Variants in DNAH14 observed in about 807,000 individuals in gnomAD.
DNAH14 encodes the protein dynein axonemal heavy chain 14, also known as axonemal beta dynein heavy chain 14.
In DNAH14, 478 loss-of-function variants were observed where a neutral mutation model predicts 520.9. That is an observed-to-expected ratio of 0.92 (90% confidence interval 0.85 to 0.99). DNAH14 has a LOEUF of 0.99. DNAH14 is among the 50% of genes least tolerant of loss of function. The pLI, the probability that DNAH14 is intolerant of heterozygous loss-of-function variation, is 0.00. For synonymous variants in DNAH14, 1,581 were observed against 1,757.2 expected (o/e 0.90, Z 2.51); for missense variants, 4,831 against 5,234.5 (o/e 0.92, Z 2.38).
intron 54 of DNAH14, among the ~76,000 whole-genome samples, chr1:225,283,556 G>A (rs1280930845): frequency 6.6e-6 from 1 of 152,016 alleles, no homozygotes; most frequent in African/African-American, 2.4e-5. Flanking sequence ...CAGAATTTAA[G>A]GGAGAAATAA....
intron 3 of DNAH14, among the ~76,000 whole-genome samples, chr1:224,958,064 A>G (rs75978600): frequency 4.6e-5 from 7 of 152,148 alleles, no homozygotes; most frequent in Non-Finnish European, 1.0e-4. Context: ...TCAGGAGGAC[A>G]GGAGGGAAAG....
chr1:225,346,566 A>G lies in DNAH14; in HGVS notation c.11208A>G (p.Gly3736=), dbSNP rs1279703615. 1 of 1,551,006 alleles carries G rather than the reference A, an allele frequency of 6.4e-7. No homozygotes were observed. The highest frequency in any genetic ancestry group is 2.0e-5 in the Admixed American group (1 of 50,964). Residue 3736 remains glycine, a synonymous_variant, in exon 71 of 86, where the codon GGA becomes GGG. Transcript: ENST00000682510. ...GAAATCTAATACAGGATGACATTGG[A>G]TTCCTACCAGAAGAAGAATGGAACA... is the stretch of plus-strand genomic sequence containing the variant. ...ANGNLIQDDI[G]FLPEEEWNIF... is the part of the protein sequence containing the mutation.
At chr1:225,125,266 C>T (rs920963079) in intron 27 of DNAH14, among the ~76,000 whole-genome samples, 1 of 152,164 alleles carries the variant, frequency 6.6e-6, no homozygotes, top group Non-Finnish European at 1.5e-5. Flanking sequence ...AGAGAATCAG[C>T]CTGTCATTTG....
At position 224,929,826 on chromosome 1, in the gene DNAH14, G is replaced by A; in HGVS notation, c.-43G>A. The A allele has an allele frequency of 1.4e-6, 1 of 693,438 alleles. No homozygotes were observed. The highest frequency in any genetic ancestry group is 2.6e-6 in the Non-Finnish European group (1 of 378,440). The allele number at this position is 693,438 out of a possible 1,614,324, so 43.0% of individuals were successfully genotyped here. Reference sequence around the variant, plus strand: ...AGGGCCACAACGGCCGTCGGACCACGGCGCGGCGGGTAAGGTCGTCAGCGT... The same window carrying A: ...AGGGCCACAACGGCCGTCGGACCACAGCGCGGCGGGTAAGGTCGTCAGCGT... On this transcript the variant is annotated 5_prime_UTR_variant, in exon 1 of 86. Coordinates refer to ENST00000682510, the MANE Select transcript of DNAH14 (RefSeq NM_001367479.1).
intron 2 of DNAH14, among the ~76,000 whole-genome samples, chr1:224,954,287 G>T (rs1358515667): frequency 6.6e-6 from 1 of 152,010 alleles, no homozygotes; most frequent in Non-Finnish European, 1.5e-5. Flanking sequence ...TCCTAGAAAA[G>T]AAATATTACC....
chr1:225,094,355 T>C (rs760526260), intron 21 of DNAH14, among the ~76,000 whole-genome samples: 2 of 151,688 alleles, frequency 1.3e-5, no homozygotes, highest in East Asian at 1.9e-4. Context: ...TTTGACAAAG[T>C]TGACAAAAAC....
chr1:225,360,907 T>G lies in DNAH14; in HGVS notation c.11987+16T>G. The G allele has an allele frequency of 1.3e-6, 2 of 1,549,372 alleles. No homozygotes were observed. Among genetic ancestry groups the G allele is most frequent in the Middle Eastern group, 1.7e-4 (1 of 5,988 alleles). ...TTGTAGAATCGTAAGAGTTTTACAT[T>G]TATCTGTAAGGGATCAGATTGGTTA... is the stretch of plus-strand genomic sequence containing the variant. On this transcript the variant is annotated intron_variant, in intron 75 of 85. Transcript: ENST00000682510.
intron 1 of DNAH14, among the ~76,000 whole-genome samples, chr1:224,937,821 A>G (rs1276333533): frequency 6.6e-6 from 1 of 152,146 alleles, no homozygotes; most frequent in Non-Finnish European, 1.5e-5. Context: ...TATAGTAACC[A>G]AAACAGTATG....
At chr1:225,166,625 A>G (rs993200862) in intron 35 of DNAH14, among the ~76,000 whole-genome samples, 3 of 152,202 alleles carry the variant, frequency 2.0e-5, no homozygotes, top group African/African-American at 7.2e-5. Context: ...TGCTATTTAT[A>G]CTATTTGCTC....
intron 43 of DNAH14, chr1:225,250,661 A>G (rs1455562457): frequency 1.8e-6 from 1 of 552,422 alleles, no homozygotes; most frequent in Non-Finnish European, 3.4e-6. Context: ...CTCAGGATGG[A>G]AGCACTGGGG....
chr1:224,981,002 T>TA (rs2062227153), intron 8 of DNAH14, among the ~76,000 whole-genome samples: 1 of 152,228 alleles, frequency 6.6e-6, no homozygotes, highest in African/African-American at 2.4e-5. Flanking sequence ...AAAAATAAAA[T>TA]AAATAGCTGT....
chr1:225,331,504 CA>C lies in DNAH14; in HGVS notation c.9794del (p.Asn3265IlefsTer17). The C allele has an allele frequency of 6.4e-7, 1 of 1,551,314 alleles. No individual in the cohort carries two copies. The highest frequency in any genetic ancestry group is 8.7e-7 in the Non-Finnish European group (1 of 1,146,786). ...ACCGTTGCTGAAAAACAACTATTAG[CA>C]AATCGGAAAACAATGGCCAGCAGGC... ...KDTVAEKQLL[A>X]NRKTMASRRF... On this transcript the variant is annotated frameshift_variant, in exon 65 of 86. Transcript: ENST00000682510. LOFTEE classifies it high-confidence loss of function.
intron 84 of DNAH14, chr1:225,396,624 C>T (rs548750418): frequency 1.7e-4 from 26 of 152,238 alleles, no homozygotes; most frequent in Admixed American, 1.1e-3. Context: ...ATGGACTGCC[C>T]GCCTAAGTTT....
intron 4 of DNAH14, among the ~76,000 whole-genome samples, chr1:224,963,868 G>A (rs1260760188): frequency 6.6e-6 from 1 of 152,088 alleles, no homozygotes; most frequent in Non-Finnish European, 1.5e-5. Flanking sequence ...TTAGTCCAAT[G>A]CTGTTTGTAA....
intron 8 of DNAH14, among the ~76,000 whole-genome samples, chr1:224,987,565 G>A (rs970399568): frequency 1.3e-5 from 2 of 152,156 alleles, no homozygotes; most frequent in African/African-American, 4.8e-5. Flanking sequence ...ATGGAAGAAG[G>A]TAGAAGGCAG....
intron 9 of DNAH14, among the ~76,000 whole-genome samples, 187 bp downstream of exon 9, chr1:225,003,114 T>G (rs2147809644): frequency 6.6e-6 from 1 of 152,202 alleles, no homozygotes; most frequent in African/African-American, 2.4e-5. Context: ...TTAACATTTC[T>G]TGTAATTTCT....
chr1:225,080,236 G>A lies in DNAH14; in HGVS notation c.2767-143G>A. On this transcript the variant is annotated intron_variant, in intron 18 of 85. Transcript: ENST00000682510. ...CTGGGCCAATCTTTATCTTTGTCTG[G>A]GCCAAATGGTAATGATAGTTCCAGT... The A allele has an allele frequency of 3.5e-6, 3 of 851,110 alleles. No homozygotes were observed. The South Asian group carries it at 7.6e-5, about 22-fold the overall frequency. The allele number at this position is 851,110 out of a possible 1,614,324, so 52.7% of individuals were successfully genotyped here.
Position 225,373,172 on chromosome 1 carries a change from G to GAAAA in DNAH14, c.12319-1506_12319-1503dup, listed in dbSNP as rs3075885. 1.1e-3 allele frequency among the ~76,000 whole-genome samples: 155 copies of GAAAA among 135,750 alleles called. 8 individuals are homozygous for GAAAA. Among genetic ancestry groups the GAAAA allele is most frequent in the East Asian group, 4.3e-3 (20 of 4,646 alleles). 89.1% of individuals were successfully genotyped at this position (135,750 alleles called of 152,430 possible). ...TGTGTATGCTAAACTAGCATTTGTG[G>GAAAA]AAAAAAAAAAAAAGACAGGAAAACA... On this transcript the variant is annotated intron_variant, in intron 77 of 85. Coordinates refer to ENST00000682510, the MANE Select transcript of DNAH14 (RefSeq NM_001367479.1).
chr1:225,286,484 G>T (rs962171632), intron 54 of DNAH14, among the ~76,000 whole-genome samples: 4 of 152,056 alleles, frequency 2.6e-5, no homozygotes, highest in African/African-American at 9.7e-5. Context: ...CATATGAAAA[G>T]GTGCTCAATA....
Sources: gnomAD v4.1 joint callset for allele counts (sites outside exome capture counted in the v4.1 genomes callset) on GRCh38, gnomAD v4.1.1 for gene constraint, MANE v1.5 for transcripts, NCBI Gene and HGNC (gene_info 2026-07-23, HGNC 2026-07-21) for gene names.